The following MCC variants were observed in gnomAD, a reference collection of about 807,000 sequenced individuals.
MCC encodes colorectal mutant cancer protein.
A neutral mutation model predicts 116.2 loss-of-function variants in MCC; 90 were observed. The ratio of observed to expected loss-of-function variants is 0.77; its 90% CI spans 0.65 to 0.92. The LOEUF is 0.92. Ranked by LOEUF, MCC falls within the 40% of genes least tolerant of loss-of-function variation. The probability of loss-of-function intolerance (pLI) is 0.00; values close to 1 mark genes in which losing one functional copy is unlikely to be tolerated. For synonymous variants in MCC, 578 were observed against 510.5 expected (o/e 1.13, Z -1.78); for missense variants, 1,516 against 1,312.2 (o/e 1.16, Z -2.40).
chr5:113,088,587 TAAGACA>T (rs1259228037), intron 8 of MCC, among the ~76,000 whole-genome samples: 2 of 151,906 alleles, frequency 1.3e-5, no homozygotes, highest in Non-Finnish European at 2.9e-5. Flanking sequence ...AAGGGATATT[TAAGACA>T]AAGACAGAGA....
intron 3 of MCC, among the ~76,000 whole-genome samples, chr5:113,247,974 G>T (rs1764638805): frequency 6.6e-6 from 1 of 152,110 alleles, no homozygotes; most frequent in African/African-American, 2.4e-5. Context: ...AACCTTGAGG[G>T]TGAATGAGAT....
rs530944273 is a variant in MCC at position 113,132,205 on chromosome 5, C to G, written c.885-9379G>C. On this transcript the variant is annotated intron_variant, in intron 5 of 18. Transcript: ENST00000408903. ...TTAAAATTTTAAACATTATTCCTAA[C>G]AATAGTATTGTAAAGTGATCTTCAT... is the stretch of plus-strand genomic sequence containing the variant. Among the ~76,000 whole-genome samples, 22 of 151,178 alleles carry G rather than the reference C, an allele frequency of 1.5e-4. No homozygotes were observed. The South Asian group carries it at 4.2e-3, about 29-fold the overall frequency.
chr5:113,420,104 TA>T (rs896540533), intron 1 of MCC, among the ~76,000 whole-genome samples: 4 of 127,502 alleles, frequency 3.1e-5, no homozygotes, highest in African/African-American at 7.6e-5. Flanking sequence ...TCAATTGAAA[TA>T]AAAAAAGAAT....
intron 16 of MCC, among the ~76,000 whole-genome samples, chr5:113,047,301 C>G (rs1388033763): frequency 6.6e-6 from 1 of 152,236 alleles, no homozygotes; most frequent in South Asian, 2.1e-4. Flanking sequence ...AGAGCTGCCT[C>G]TAGCACCCTG....
At chr5:113,170,537 A>T (rs1214029648) in intron 3 of MCC, among the ~76,000 whole-genome samples, 1 of 151,884 alleles carries the variant, frequency 6.6e-6, no homozygotes, top group Non-Finnish European at 1.5e-5. Flanking sequence ...GTGGGAAGCT[A>T]ATATTTACTC....
chr5:113,216,688 C>G (rs1763330541), intron 3 of MCC, among the ~76,000 whole-genome samples: 1 of 152,212 alleles, frequency 6.6e-6, no homozygotes, highest in Non-Finnish European at 1.5e-5. Context: ...GGTGAGAACA[C>G]AGTCATTCAA....
chr5:113,451,187 T>C (rs1431648098), intron 1 of MCC, among the ~76,000 whole-genome samples: 1 of 152,174 alleles, frequency 6.6e-6, no homozygotes, highest in Admixed American at 6.5e-5. Context: ...AGTACACCCT[T>C]TCACTACTTC....
At chr5:113,459,309 G>A (rs950364104) in intron 1 of MCC, among the ~76,000 whole-genome samples, 6 of 152,010 alleles carry the variant, frequency 3.9e-5, no homozygotes, top group Admixed American at 3.3e-4. Flanking sequence ...AGGCCGAGGC[G>A]GGTGGATCAC....
intron 3 of MCC, among the ~76,000 whole-genome samples, chr5:113,240,307 C>T (rs2150338719): frequency 6.6e-6 from 1 of 152,254 alleles, no homozygotes; most frequent in East Asian, 1.9e-4. Context: ...GGGTAAGTCA[C>T]TCCTGGACTT....
intron 3 of MCC, among the ~76,000 whole-genome samples, chr5:113,214,861 A>G (rs1293242636): frequency 3.3e-5 from 5 of 152,166 alleles, no homozygotes; most frequent in Admixed American, 2.6e-4. Flanking sequence ...TAAAGCCCAC[A>G]TTGCAATGCC....
intron 3 of MCC, among the ~76,000 whole-genome samples, chr5:113,333,897 C>T (rs13186610): frequency 3.6e-5 from 1 of 27,792 alleles, no homozygotes; most frequent in East Asian, 1.7e-3. Context: ...ATTTATATAT[C>T]TATATAAATA....
chr5:113,239,001 GA>G (rs1397408808), intron 3 of MCC, among the ~76,000 whole-genome samples: 1 of 152,152 alleles, frequency 6.6e-6, no homozygotes, highest in Non-Finnish European at 1.5e-5. Flanking sequence ...GAAATGTGAA[GA>G]GAATATTCAT....
intron 3 of MCC, among the ~76,000 whole-genome samples, chr5:113,164,499 CT>C (rs1760669659): frequency 6.6e-6 from 1 of 152,150 alleles, no homozygotes; most frequent in South Asian, 2.1e-4. Flanking sequence ...GTCAATGTTC[CT>C]TTTGGTAAAT....
chr5:113,316,616 A>G (rs1283683338), intron 3 of MCC, among the ~76,000 whole-genome samples: 1 of 152,198 alleles, frequency 6.6e-6, no homozygotes, highest in Non-Finnish European at 1.5e-5. Flanking sequence ...CCTTTAATTT[A>G]TATCTGAAAA....
intron 17 of MCC, among the ~76,000 whole-genome samples, chr5:113,037,727 G>A (rs543040953): frequency 2.0e-5 from 3 of 152,224 alleles, no homozygotes; most frequent in Non-Finnish European, 4.4e-5. Flanking sequence ...GAGAATAGCG[G>A]GAAGATACAT....
intron 3 of MCC, among the ~76,000 whole-genome samples, chr5:113,158,100 A>C (rs1002929828): frequency 1.3e-5 from 2 of 152,206 alleles, no homozygotes; most frequent in Non-Finnish European, 2.9e-5. Context: ...CAGCCTACTC[A>C]AAACAGCTTG....
At chr5:113,195,947 G>A (rs945275763) in intron 3 of MCC, among the ~76,000 whole-genome samples, 1 of 152,086 alleles carries the variant, frequency 6.6e-6, no homozygotes, top group African/African-American at 2.4e-5. Flanking sequence ...CACCCCCTCA[G>A]GGAGAAGGAT....
chr5:113,416,575 T>C (rs1770154654), intron 1 of MCC, among the ~76,000 whole-genome samples: 1 of 152,210 alleles, frequency 6.6e-6, no homozygotes, highest in Non-Finnish European at 1.5e-5. Context: ...TATATATCTA[T>C]ACATAAATGC....
chr5:113,429,799 G>A (rs1007305165), intron 1 of MCC, among the ~76,000 whole-genome samples: 1 of 152,168 alleles, frequency 6.6e-6, no homozygotes, highest in African/African-American at 2.4e-5. Flanking sequence ...TAAGGTGGCT[G>A]AGAGCTAAAT....
Sources: allele counts gnomAD v4.1 joint callset (sites outside exome capture counted in the v4.1 genomes callset), GRCh38; gene constraint gnomAD v4.1.1; transcripts MANE v1.5; gene names NCBI Gene and HGNC (gene_info 2026-07-23, HGNC 2026-07-21).